Variants in MORN1 observed in about 807,000 individuals in gnomAD.
MORN1 encodes the protein MORN repeat-containing protein 1.
A neutral mutation model predicts 61.9 loss-of-function variants in MORN1; 67 were observed. The observed-to-expected ratio is 1.08, with a 90% CI of 0.89 to 1.33. The LOEUF is 1.33. Among genes scored for constraint, MORN1 ranks in the 40% most tolerant of loss-of-function variants. The probability of loss-of-function intolerance (pLI) is 0.00; values close to 1 mark genes in which losing one functional copy is unlikely to be tolerated. For synonymous variants in MORN1, 301 were observed against 292.0 expected, an observed-to-expected ratio of 1.03 and a Z score of -0.31; for missense variants, 752 against 691.2, an observed-to-expected ratio of 1.09 and a Z score of -0.99.
chr1:2,332,162 GCACCAGGTGACCCCACGCT>G (rs1325374429), intron 12 of MORN1: 1 of 179,024 alleles, frequency 5.6e-6, no homozygotes, highest in Non-Finnish European at 1.2e-5. Context: ...GGTGGGGGGT[GCACCAGGTGACCCCACGCT>G]CACCAGGTGC....
chr1:2,356,999 G>A (rs993703194), intron 10 of MORN1, among the ~76,000 whole-genome samples: 2 of 152,174 alleles, frequency 1.3e-5, no homozygotes, highest in Non-Finnish European at 2.9e-5. Context: ...GGAGCAGCGG[G>A]AAACCCTGAC....
At position 2,357,668 on chromosome 1, in the gene MORN1, GC is replaced by G; in HGVS notation, c.870-71del. On this transcript the variant is annotated intron_variant, in intron 9 of 13. Coordinates refer to ENST00000378531, the MANE Select transcript of MORN1 (RefSeq NM_024848.3). This position sits in a 1 kb window ranked among gnomAD's most constrained non-coding sequence, Gnocchi z 6.3. ...AACTAGGGTGCAGGCAGACAGCGTGGCCCACGCCCTGGACCCTGGGACTTGC... is the reference window on the plus strand; with the variant it reads ...AACTAGGGTGCAGGCAGACAGCGTGGCCACGCCCTGGACCCTGGGACTTGC... 6.7e-7 allele frequency: 1 copy of G among 1,503,204 alleles called. No homozygotes were observed. Among genetic ancestry groups the G allele is most frequent in the Non-Finnish European group, 8.9e-7 (1 of 1,121,542 alleles). The allele number at this position is 1,503,204 out of a possible 1,614,324, so 93.1% of individuals were successfully genotyped here. A position where few individuals can be genotyped will look rare whatever the true frequency, so the allele number is the denominator to read the frequency against.
chr1:2,363,873 C>A, intron 8 of MORN1, among the ~76,000 whole-genome samples: 1 of 148,378 alleles, frequency 6.7e-6, no homozygotes, highest in African/African-American at 2.5e-5. Context: ...ATGCCCAATT[C>A]AAAAAAGATA....
rs1269706880 is a variant in MORN1 at position 2,374,567 on chromosome 1, G to A, written c.538-10C>T. ...CGCTGTGCCACTGTCCCTGCAGAGAGAAGGGTGAGGCTCAGGCTGGTGGCT... is the reference window on the plus strand; with the variant it reads ...CGCTGTGCCACTGTCCCTGCAGAGAAAAGGGTGAGGCTCAGGCTGGTGGCT... On this transcript the variant is annotated splice_polypyrimidine_tract_variant and intron_variant, in intron 6 of 13. Transcript: ENST00000378531. The A allele has an allele frequency of 1.9e-6, 3 of 1,577,280 alleles. No individual in the cohort carries two copies. Among genetic ancestry groups the A allele is most frequent in the Non-Finnish European group, 2.6e-6 (3 of 1,161,436 alleles).
chr1:2,324,453 C>T (rs758246347), intron 12 of MORN1, among the ~76,000 whole-genome samples: 27 of 152,312 alleles, frequency 1.8e-4, no homozygotes, highest in Non-Finnish European at 3.8e-4. Context: ...TCTGACAAGG[C>T]GGAGGCCTCC....
chr1:2,355,586 G>A, intron 10 of MORN1: 5 of 1,027,650 alleles, frequency 4.9e-6, no homozygotes, highest in Non-Finnish European at 5.8e-6. Flanking sequence ...TCTTCCCAGG[G>A]CGGCCAGGGG....
intron 8 of MORN1, among the ~76,000 whole-genome samples, chr1:2,360,356 G>A (rs78208465): frequency 0.012 from 1,768 of 152,264 alleles, 42 homozygotes; most frequent in African/African-American, 0.04. Context: ...CAAGAAAGCC[G>A]ACAAAGTGCA....
intron 8 of MORN1, among the ~76,000 whole-genome samples, chr1:2,362,539 C>A (rs1287411486): frequency 6.6e-6 from 1 of 152,166 alleles, no homozygotes; most frequent in African/African-American, 2.4e-5. Flanking sequence ...AACAGTGGGA[C>A]AACCTCAAGT....
intron 8 of MORN1, among the ~76,000 whole-genome samples, chr1:2,367,456 C>CAAAA (rs3065235): frequency 1.4e-5 from 2 of 144,134 alleles, no homozygotes; most frequent in African/African-American, 2.5e-5. Flanking sequence ...TCTGTCTCTA[C>CAAAA]AAAAAAAAAA....
Position 2,372,477 on chromosome 1 carries a change from T to C in MORN1, c.745+4A>G. The C allele has an allele frequency of 6.2e-7, 1 of 1,610,740 alleles. No individual in the cohort carries two copies. The highest frequency in any genetic ancestry group is 8.5e-7 in the Non-Finnish European group (1 of 1,178,056). On this transcript the variant is annotated splice_donor_region_variant and intron_variant, in intron 8 of 13. Coordinates refer to ENST00000378531, the MANE Select transcript of MORN1 (RefSeq NM_024848.3). This position sits in a 1 kb window ranked among gnomAD's most constrained non-coding sequence, Gnocchi z 5.4. ...TTAGGTCATCTCCCCCTGGAGATGC[T>C]TACTCTTGGCAATTTCCCCGTGGTC...
chr1:2,345,869 A>G (rs1226013144), intron 10 of MORN1, among the ~76,000 whole-genome samples: 1 of 150,308 alleles, frequency 6.7e-6, no homozygotes, highest in Non-Finnish European at 1.5e-5. Flanking sequence ...GTTTGCTCTT[A>G]TCTCTATGAC....
rs543127839 is a variant in MORN1, at chr1:2,337,421, G to A, written c.1037-571C>T. ...TCGGGCATCAGAGGCGGGTGTGGGC[G>A]GGCTCAGCCTGTGCATCCCTCAGTG... On this transcript the variant is annotated intron_variant, in intron 10 of 13. Transcript: ENST00000378531. This position sits in a 1 kb window ranked among gnomAD's most constrained non-coding sequence, Gnocchi z 5.7. Among the ~76,000 whole-genome samples, 5 of 152,208 alleles carry A rather than the reference G, an allele frequency of 3.3e-5. No individual in the cohort carries two copies. Among genetic ancestry groups the A allele is most frequent in the African/African-American group, 7.2e-5 (3 of 41,524 alleles).
chr1:2,382,807 G>C (rs1642402798), intron 6 of MORN1, among the ~76,000 whole-genome samples: 2 of 152,196 alleles, frequency 1.3e-5, no homozygotes, highest in Non-Finnish European at 2.9e-5. Flanking sequence ...CGCTGACATG[G>C]GCTCCCGTGG....
At chr1:2,351,844 T>C in intron 10 of MORN1, 1 of 521,622 alleles carries the variant, frequency 1.9e-6, no homozygotes, top group African/African-American at 2.0e-5. Context: ...ATCTTGCTAC[T>C]CTTGCCCACG....
At chr1:2,385,210 G>A (rs968162719) in intron 5 of MORN1, 145 bp from the exon 6 acceptor site, 14 of 793,736 alleles carry the variant, frequency 1.8e-5, no homozygotes, top group Middle Eastern at 3.7e-4. Context: ...AAGAGCTCCT[G>A]CCTCGCCAGG....
intron 10 of MORN1, among the ~76,000 whole-genome samples, chr1:2,348,635 G>A (rs1039853676): frequency 6.8e-5 from 10 of 147,480 alleles, no homozygotes; most frequent in East Asian, 2.0e-4. Context: ...ACGCACACAC[G>A]CACCTGCGCA....
rs188687214 is a variant in MORN1 at position 2,332,623 on chromosome 1, G to A, written c.1250+3846C>T. On this transcript the variant is annotated intron_variant, in intron 12 of 13. Transcript: ENST00000378531. ...AGGTTGGGGGCCAGGAGGGCGCGAC[G>A]TGGCGTCTGGACATGGAAGGGGTCA... is the stretch of plus-strand genomic sequence containing the variant. 3.3e-5 allele frequency: 15 copies of A among 456,424 alleles called. No homozygotes were observed. In the Middle Eastern group the frequency reaches 9.7e-4, roughly 30 times the overall value. The allele number at this position is 456,424 out of a possible 1,614,324, so 28.3% of individuals were successfully genotyped here.
chr1:2,372,665 T>A lies in MORN1; in HGVS notation c.635-74A>T. ...ACCCACCCCATGGCTGAGTCAGCAGTGGGCACCCCAGGAACCGACCAGAGC... is the reference window on the plus strand; with the variant it reads ...ACCCACCCCATGGCTGAGTCAGCAGAGGGCACCCCAGGAACCGACCAGAGC... On this transcript the variant is annotated intron_variant, in intron 7 of 13. Transcript: ENST00000378531. The surrounding 1 kb of genome is among the most constrained non-coding windows in gnomAD (Gnocchi z 5.4). The A allele has an allele frequency of 8.2e-7, 1 of 1,214,378 alleles. No homozygotes were observed. The highest frequency in any genetic ancestry group is 1.2e-6 in the Non-Finnish European group (1 of 849,500). 75.2% of individuals were successfully genotyped at this position (1,214,378 alleles called of 1,614,324 possible).
rs144168346 is a variant in MORN1 at position 2,348,869 on chromosome 1, G to A, written c.1036+8563C>T. On this transcript the variant is annotated intron_variant, in intron 10 of 13. Coordinates refer to ENST00000378531, the MANE Select transcript of MORN1 (RefSeq NM_024848.3). ...CGCGGGCACGCACAGTCATGTGCAC[G>A]CACACACAGCCATGTGTACGCAGAC... 1.8e-3 allele frequency among the ~76,000 whole-genome samples: 267 copies of A among 144,442 alleles called. 2 individuals carry two copies. Among genetic ancestry groups the A allele is most frequent in the East Asian group, 0.011 (55 of 4,822 alleles). 94.8% of individuals were successfully genotyped at this position (144,442 alleles called of 152,430 possible).
Sources: allele counts gnomAD v4.1 joint callset (sites outside exome capture counted in the v4.1 genomes callset), GRCh38; gene constraint gnomAD v4.1.1; non-coding constraint Gnocchi (gnomAD v3.1); transcripts MANE v1.5; gene names NCBI Gene and HGNC (gene_info 2026-07-23, HGNC 2026-07-21).